The following IKZF2 variants were observed in gnomAD, a reference collection of about 807,000 sequenced individuals.
IKZF2 encodes the protein zinc finger protein Helios.
In IKZF2, 15 loss-of-function variants were observed where a neutral mutation model predicts 49.2. That is an observed-to-expected ratio of 0.30 (90% CI 0.20 to 0.47). The LOEUF (loss-of-function observed/expected upper bound fraction) is 0.47. Among genes scored for constraint, IKZF2 ranks in the 20% least tolerant of loss-of-function variants. The pLI is 1.00. For missense variants in IKZF2, 567 were observed against 664.6 expected (o/e 0.85, Z 1.61); for synonymous variants, 227 against 221.4 (o/e 1.03, Z -0.23).
At chr2:213,147,356 T>G (rs568077115) in intron 4 of IKZF2, 1 of 465,500 alleles carries the variant, frequency 2.1e-6, no homozygotes, top group East Asian at 3.2e-5. Flanking sequence ...ATTTTTTAAC[T>G]GTGAAGAGTC....
At chr2:213,149,159 G>C (rs1336443425) in intron 2 of IKZF2, among the ~76,000 whole-genome samples, 1 of 152,150 alleles carries the variant, frequency 6.6e-6, no homozygotes, top group Non-Finnish European at 1.5e-5. Flanking sequence ...GTGTCTTGAA[G>C]ATTTCTACAG....
chr2:213,013,838 G>A lies in IKZF2; in HGVS notation c.809C>T (p.Thr270Met), dbSNP rs1321507522. The change falls in exon 8 of 9, where the codon ACG (threonine) becomes ATG (methionine). Residue 270 changes from threonine to methionine, a missense_variant. Transcript: ENST00000434687. ...FERPAVIEKL[T>M]GNMGKRKSST... ...GCTTTTACGTTTTCCCATATTCCCC[G>A]TGAGCTTCTCTATGACAGCAGGTCT... 19 of 1,611,536 alleles carry A rather than the reference G, an allele frequency of 1.2e-5. No individual in the cohort carries two copies. The highest frequency in any genetic ancestry group is 1.7e-5 in the Admixed American group (1 of 59,864).
intron 4 of IKZF2, among the ~76,000 whole-genome samples, chr2:213,145,491 C>G (rs41437644): frequency 0.043 from 6,551 of 152,016 alleles, 474 homozygotes; most frequent in African/African-American, 0.15. Context: ...TTTGACAGGC[C>G]AGATGCACAC....
Position 213,027,482 on chromosome 2 carries a change from C to A in IKZF2, c.575-5352G>T, listed in dbSNP as rs570736694. On this transcript the variant is annotated intron_variant, in intron 6 of 8. Coordinates refer to ENST00000434687, the MANE Select transcript of IKZF2 (RefSeq NM_001387220.1). ...TCACACCTTACTGATAACTCAGAGTCCAGAACAATGTCATAGGTCCTTGCC... is the reference window on the plus strand; with the variant it reads ...TCACACCTTACTGATAACTCAGAGTACAGAACAATGTCATAGGTCCTTGCC... 3.9e-5 allele frequency among the ~76,000 whole-genome samples: 6 copies of A among 152,226 alleles called. No individual in the cohort carries two copies. In the South Asian group the frequency reaches 1.2e-3, roughly 32 times the overall value.
intron 4 of IKZF2, among the ~76,000 whole-genome samples, chr2:213,060,850 T>G (rs1701612296): frequency 6.6e-6 from 1 of 151,474 alleles, no homozygotes; most frequent in Non-Finnish European, 1.5e-5. Context: ...GACTCAGGTT[T>G]GTGAACACAA....
In IKZF2 at chr2:213,007,821, C is replaced by T. The variant is rs780232990; in HGVS notation, c.1120G>A (p.Asp374Asn). The T allele has an allele frequency of 1.9e-6, 3 of 1,613,584 alleles. No homozygotes were observed. Among genetic ancestry groups the T allele is most frequent in the Non-Finnish European group, 8.5e-7 (1 of 1,179,730 alleles). The change falls in exon 9 of 9, where the codon GAT becomes AAT. Residue 374 changes from aspartate to asparagine, a missense_variant. By Grantham distance (23) the Asp-to-Asn change is conservative (BLOSUM62 1). Coordinates refer to ENST00000434687, the MANE Select transcript of IKZF2 (RefSeq NM_001387220.1). ...CCATCCATGTTGTTTTCATGACTAT[C>T]AGCAGTTTCCCTGCTAATGGGTCTT... ...IERPISRETA[D>N]SHENNMDGPI...
At chr2:213,079,911 A>G (rs905739947) in intron 4 of IKZF2, among the ~76,000 whole-genome samples, 2 of 152,224 alleles carry the variant, frequency 1.3e-5, no homozygotes, top group South Asian at 4.1e-4. Context: ...CCTGCCCCCA[A>G]TCAAAATTCA....
intron 7 of IKZF2, among the ~76,000 whole-genome samples, chr2:213,016,772 T>C (rs1696654203): frequency 6.6e-6 from 1 of 152,070 alleles, no homozygotes. Context: ...AAACCATAAG[T>C]GTATTCCCAA....
At chr2:213,107,874 G>T (rs1274041930) in intron 4 of IKZF2, among the ~76,000 whole-genome samples, 3 of 152,166 alleles carry the variant, frequency 2.0e-5, no homozygotes, top group Non-Finnish European at 4.4e-5. Context: ...GTTTACCTGT[G>T]TTCTAACTGT....
At chr2:213,023,697 T>C (rs1697482464) in intron 6 of IKZF2, among the ~76,000 whole-genome samples, 1 of 152,214 alleles carries the variant, frequency 6.6e-6, no homozygotes. Context: ...TGGGTTCTTC[T>C]GTAATATTTC....
intron 6 of IKZF2, among the ~76,000 whole-genome samples, chr2:213,029,876 T>C (rs781073461): frequency 2.0e-5 from 3 of 149,460 alleles, no homozygotes; most frequent in Non-Finnish European, 4.5e-5. Flanking sequence ...CCAAGAAAGT[T>C]TGGGAAACAC....
At chr2:213,128,564 A>G (rs2060346432) in intron 4 of IKZF2, among the ~76,000 whole-genome samples, 2 of 152,110 alleles carry the variant, frequency 1.3e-5, no homozygotes. Flanking sequence ...ACCCCAAAAC[A>G]TAAGAGTGTA....
intron 4 of IKZF2, among the ~76,000 whole-genome samples, chr2:213,114,173 T>A (rs2059798548): frequency 6.6e-6 from 1 of 152,174 alleles, no homozygotes; most frequent in Non-Finnish European, 1.5e-5. Context: ...AAAAAAAATT[T>A]TCTTCCTCAG....
chr2:213,151,066 C>T (rs2061267926), intron 1 of IKZF2, among the ~76,000 whole-genome samples: 1 of 151,954 alleles, frequency 6.6e-6, no homozygotes, highest in Non-Finnish European at 1.5e-5. Context: ...ACTGATTAAT[C>T]GATTAACATC....
rs1480645752 is a variant in IKZF2 at position 213,002,148 on chromosome 2, C to T, written c.*5212G>A. On this transcript the variant is annotated 3_prime_UTR_variant, in exon 9 of 9. Coordinates refer to ENST00000434687, the MANE Select transcript of IKZF2 (RefSeq NM_001387220.1). Reference sequence around the variant, plus strand: ...GTACTTTATGTGACTTAGCAGAGGGCCTTTAACTTTTATATTTTATTCACA... The same window carrying T: ...GTACTTTATGTGACTTAGCAGAGGGTCTTTAACTTTTATATTTTATTCACA... 2 of 151,364 alleles carry T rather than the reference C, an allele frequency of 1.3e-5. No individual in the cohort carries two copies. Among genetic ancestry groups the T allele is most frequent in the South Asian group, 2.1e-4 (1 of 4,816 alleles). The allele number at this position is 151,364 out of a possible 1,614,324, so 9.4% of individuals were successfully genotyped here.
intron 1 of IKZF2, among the ~76,000 whole-genome samples, chr2:213,150,981 C>T (rs2061265890): frequency 6.6e-6 from 1 of 151,484 alleles, no homozygotes; most frequent in East Asian, 1.9e-4. Context: ...TCCAGCCTAC[C>T]CAATCTTTCT....
At chr2:213,061,449 T>A (rs1196502767) in intron 4 of IKZF2, among the ~76,000 whole-genome samples, 2 of 150,944 alleles carry the variant, frequency 1.3e-5, no homozygotes, top group Non-Finnish European at 3.0e-5. Flanking sequence ...ATCCAATCAA[T>A]GTCATAATGG....
chr2:213,037,186 C>G (rs1699114253), intron 6 of IKZF2, among the ~76,000 whole-genome samples: 1 of 152,124 alleles, frequency 6.6e-6, no homozygotes. Flanking sequence ...TTATTCAGAA[C>G]AATGAGAAAG....
intron 8 of IKZF2, among the ~76,000 whole-genome samples, chr2:213,010,558 A>C (rs1695834481): frequency 6.6e-6 from 1 of 152,078 alleles, no homozygotes; most frequent in Non-Finnish European, 1.5e-5. Context: ...GGTCCATAAT[A>C]CTTCATACCA....
Sources: allele counts gnomAD v4.1 joint callset (sites outside exome capture counted in the v4.1 genomes callset), GRCh38; gene constraint gnomAD v4.1.1; transcripts MANE v1.5; gene names NCBI Gene and HGNC (gene_info 2026-07-23, HGNC 2026-07-21).